Variants in RPS6KA2 observed in about 807,000 individuals in gnomAD.
RPS6KA2 encodes the protein ribosomal protein S6 kinase alpha-2.
A neutral mutation model predicts 91.8 loss-of-function variants in RPS6KA2; 42 were observed. That is an observed-to-expected ratio of 0.46 (90% CI 0.36 to 0.59). RPS6KA2 has a LOEUF of 0.59. RPS6KA2 is among the 20% of genes least tolerant of loss of function. RPS6KA2 has a pLI of 0.00. For synonymous variants in RPS6KA2, 414 were observed against 393.6 expected (o/e 1.05, Z -0.61); for missense variants, 798 against 978.5 (o/e 0.82, Z 2.46).
chr6:166,613,043 T>G (rs979007680), intron 1 of RPS6KA2, among the ~76,000 whole-genome samples: 1 of 152,240 alleles, frequency 6.6e-6, no homozygotes, highest in Admixed American at 6.5e-5. Flanking sequence ...GGTGGACTTT[T>G]CAGGGCCTTT....
At chr6:166,815,741 A>C (rs571916251) in intron 2 of RPS6KA2, among the ~76,000 whole-genome samples, 1 of 152,348 alleles carries the variant, frequency 6.6e-6, no homozygotes, top group East Asian at 1.9e-4. Context: ...TAAAAGGAAA[A>C]ATTTCAAAAG....
intron 2 of RPS6KA2, among the ~76,000 whole-genome samples, chr6:166,822,956 T>C (rs1439166481): frequency 6.6e-6 from 1 of 152,216 alleles, no homozygotes; most frequent in Non-Finnish European, 1.5e-5. Flanking sequence ...TTCCAGTTCA[T>C]CAATGAAGAA....
At chr6:166,801,326 AGGTTT>A (rs1239283016) in intron 2 of RPS6KA2, among the ~76,000 whole-genome samples, 1 of 118,392 alleles carries the variant, frequency 8.4e-6, no homozygotes, top group African/African-American at 3.2e-5. Flanking sequence ...AAGGAAAGGG[AGGTTT>A]ATTTTATTTT....
chr6:166,743,680 C>A (rs1223952187), intron 2 of RPS6KA2, among the ~76,000 whole-genome samples: 1 of 152,200 alleles, frequency 6.6e-6, no homozygotes, highest in African/African-American at 2.4e-5. Flanking sequence ...ATTTTTATGC[C>A]CCTGGCGGCG....
chr6:166,612,479 C>T lies in RPS6KA2; in HGVS notation c.99+14442G>A, dbSNP rs3799575. ...GCTCCTGCAGACCCCTGGCTCCCCT[C>T]GCGGGCTTGCAACCAGGCACTCTTC... On this transcript the variant is annotated intron_variant, in intron 1 of 20. Coordinates refer to ENST00000265678, the MANE Select transcript of RPS6KA2 (RefSeq NM_021135.6). The surrounding 1 kb of genome is among the most constrained non-coding windows in gnomAD (Gnocchi z 4.3). 6.2e-3 allele frequency among the ~76,000 whole-genome samples: 938 copies of T among 152,260 alleles called. 18 individuals carry two copies. Among genetic ancestry groups the T allele is most frequent in the South Asian group, 0.057 (276 of 4,816 alleles).
At chr6:166,549,586 T>A (rs1282075662) in intron 1 of RPS6KA2, among the ~76,000 whole-genome samples, 3 of 152,190 alleles carry the variant, frequency 2.0e-5, no homozygotes, top group African/African-American at 2.4e-5. Flanking sequence ...ATTTACATAT[T>A]TTTTGAAATG....
Position 166,626,993 on chromosome 6 carries a change from G to C in RPS6KA2, c.27C>G (p.Ala9=). 1.9e-6 allele frequency: 3 copies of C among 1,551,704 alleles called. No homozygotes were observed. The highest frequency in any genetic ancestry group is 1.8e-4 in the Middle Eastern group (1 of 5,574). ...GGTACACAGAGAAGAACCTGCGCAC[G>C]GCGAACTTCTTCATGCTCAGGTCCA... MDLSMKKF[A]VRRFFSVYLR... The change falls in exon 1 of 21, where the codon GCC becomes GCG. Residue 9 remains alanine, a synonymous_variant. Transcript: ENST00000265678. The surrounding 1 kb of genome is among the most constrained non-coding windows in gnomAD (Gnocchi z 4.1).
chr6:166,760,561 AACTAGCATAGGTTAGATCAGTGCAAG>A (rs1264370307), intron 2 of RPS6KA2, among the ~76,000 whole-genome samples: 2 of 152,244 alleles, frequency 1.3e-5, no homozygotes, highest in African/African-American at 4.8e-5. Flanking sequence ...GGCAACAGGA[AACTAGCATAGGTTAGATCAGTGCAAG>A]CCACGGAAAG....
chr6:166,636,908 T>TA (rs902765081), intron 2 of RPS6KA2, among the ~76,000 whole-genome samples: 11 of 152,024 alleles, frequency 7.2e-5, no homozygotes, highest in African/African-American at 1.9e-4. Context: ...GGCCAATTTT[T>TA]AAAAAAAAGT....
intron 2 of RPS6KA2, among the ~76,000 whole-genome samples, chr6:166,755,106 C>T (rs1777969753): frequency 6.6e-6 from 1 of 152,150 alleles, no homozygotes; most frequent in Non-Finnish European, 1.5e-5. Context: ...TGAATTCCAA[C>T]AAATGTATGA....
intron 1 of RPS6KA2, among the ~76,000 whole-genome samples, chr6:166,615,269 C>T (rs1047475261): frequency 3.3e-5 from 5 of 152,154 alleles, no homozygotes; most frequent in South Asian, 2.1e-4. Flanking sequence ...ATGCGACTCC[C>T]GCACCACACA....
intron 3 of RPS6KA2, among the ~76,000 whole-genome samples, chr6:166,522,669 T>A (rs1782900544): frequency 6.6e-6 from 1 of 152,216 alleles, no homozygotes; most frequent in South Asian, 2.1e-4. Flanking sequence ...TGAAATTATA[T>A]CCCGAGCAGT....
chr6:166,500,183 A>G lies in RPS6KA2; in HGVS notation c.604+704T>C, dbSNP rs1269497237. 6.6e-6 allele frequency among the ~76,000 whole-genome samples: 1 copy of G among 152,200 alleles called. No individual in the cohort carries two copies. The highest frequency in any genetic ancestry group is 2.4e-5 in the African/African-American group (1 of 41,456). On this transcript the variant is annotated intron_variant, in intron 7 of 20. Transcript: ENST00000265678. This position sits in a 1 kb window ranked among gnomAD's most constrained non-coding sequence, Gnocchi z 4.3. ...CCAAAAGGCAGGCAGCCCTGCTGAC[A>G]CCTTGATTTCATTCCTGGGAGACTT...
chr6:166,817,724 CTT>C (rs1350262632), intron 2 of RPS6KA2, among the ~76,000 whole-genome samples: 1 of 91,436 alleles, frequency 1.1e-5, no homozygotes, highest in Non-Finnish European at 2.5e-5. Context: ...TTCTTTTTTT[CTT>C]TTTTTTTTTT....
Position 166,423,337 on chromosome 6 carries a change from G to A in RPS6KA2, c.1662C>T (p.Asp554=). The A allele has an allele frequency of 6.2e-7, 1 of 1,614,180 alleles. No individual in the cohort carries two copies. Among genetic ancestry groups the A allele is most frequent in the Non-Finnish European group, 8.5e-7 (1 of 1,180,020 alleles). Residue 554 remains aspartate (D), a synonymous_variant, in exon 17 of 21, where the codon GAC becomes GAT. Coordinates refer to ENST00000265678, the MANE Select transcript of RPS6KA2 (RefSeq NM_021135.6). The surrounding 1 kb of genome is among the most constrained non-coding windows in gnomAD (Gnocchi z 4.8). ...CGCGCAGCTGCTTGGCAAAGCCGAA[G>A]TCGCAGACTCGGATGGATTCTGGGC... ...SGSPESIRVC[D]FGFAKQLRAG...
chr6:166,621,362 C>A (rs1322358491), intron 1 of RPS6KA2, among the ~76,000 whole-genome samples: 1 of 152,210 alleles, frequency 6.6e-6, no homozygotes, highest in African/African-American at 2.4e-5. Flanking sequence ...CCTAGCTAAG[C>A]AGTTAGCAGG....
At chr6:166,461,972 G>A (rs1371146412) in intron 11 of RPS6KA2, among the ~76,000 whole-genome samples, 1 of 152,224 alleles carries the variant, frequency 6.6e-6, no homozygotes, top group Non-Finnish European at 1.5e-5. Flanking sequence ...CAAAGACACT[G>A]CTGGCTGCCA....
At position 166,488,853 on chromosome 6, in the gene RPS6KA2, C is replaced by T. The variant is rs1406573345; in HGVS notation, c.887G>A (p.Arg296Gln). 1 of 1,613,304 alleles carries T rather than the reference C, an allele frequency of 6.2e-7. No individual in the cohort carries two copies. Among genetic ancestry groups the T allele is most frequent in the East Asian group, 2.2e-5 (1 of 44,866 alleles). The stretch of plus-strand genomic sequence containing the variant: ...CTTACCCAGCCGGTTGCAGGGGTTC[C>T]GTTTGAAGAGAGCTCGCAGCAAACT... ...AQSLLRALFKRNPCNRLGAGI... is the reference protein window; with the variant it reads ...AQSLLRALFKQNPCNRLGAGI... Residue 296 changes from arginine (R) to glutamine (Q), a missense_variant, in exon 10 of 21, where the codon CGG becomes CAG. Coordinates refer to ENST00000265678, the MANE Select transcript of RPS6KA2 (RefSeq NM_021135.6).
upstream of RPS6KA2, among the ~76,000 whole-genome samples, chr6:166,628,357 T>C (rs1786973336): frequency 6.6e-6 from 1 of 152,208 alleles, no homozygotes. Flanking sequence ...CCCATTGACA[T>C]AGCACCATCA....
Sources: allele counts gnomAD v4.1 joint callset (sites outside exome capture counted in the v4.1 genomes callset), GRCh38; gene constraint gnomAD v4.1.1; non-coding constraint Gnocchi (gnomAD v3.1); transcripts MANE v1.5; gene names NCBI Gene and HGNC (gene_info 2026-07-23, HGNC 2026-07-21).